MYO5B: variants seen among roughly 807,000 people sequenced by gnomAD.
MYO5B encodes unconventional myosin-Vb.
In MYO5B, 143 loss-of-function variants were observed where a neutral mutation model predicts 229.3. The ratio of observed to expected loss-of-function variants is 0.62; its 90% CI spans 0.54 to 0.72. The LOEUF (loss-of-function observed/expected upper bound fraction) is 0.72. Among genes scored for constraint, MYO5B ranks in the 30% least tolerant of loss-of-function variants. The pLI, the probability that MYO5B is intolerant of heterozygous loss-of-function variation, is 0.00. For missense variants in MYO5B, 2,321 were observed against 2,331.0 expected, an observed-to-expected ratio of 1.00 and a Z score of 0.09; for synonymous variants, 918 against 885.2, an observed-to-expected ratio of 1.04 and a Z score of -0.66.
In MYO5B at chr18:49,826,072, C is replaced by A; in HGVS notation, c.*399G>T. The A allele has an allele frequency of 4.1e-6, 1 of 240,968 alleles. No individual in the cohort carries two copies. 14.9% of individuals were successfully genotyped at this position (240,968 alleles called of 1,614,324 possible). A position where few individuals can be genotyped will look rare whatever the true frequency, so the allele number is the denominator to read the frequency against. On this transcript the variant is annotated 3_prime_UTR_variant, in exon 40 of 40. Coordinates refer to ENST00000285039, the MANE Select transcript of MYO5B (RefSeq NM_001080467.3). ...ATTAGTACCATTATTTGTTAAAGCC[C>A]TTTGAAGGCAATTTATGTGACTTAT...
At chr18:50,183,306 CATATATATATATATATAT>C (rs71169486) in intron 1 of MYO5B, among the ~76,000 whole-genome samples, 6 of 110,036 alleles carry the variant, frequency 5.5e-5, no homozygotes, top group South Asian at 3.7e-4. Flanking sequence ...TCAATTTTAT[CATATATATATATATATAT>C]ATATATATAT....
intron 22 of MYO5B, among the ~76,000 whole-genome samples, chr18:49,892,557 G>T (rs142495352): frequency 6.6e-6 from 1 of 152,112 alleles, no homozygotes. Flanking sequence ...CATCAATCTC[G>T]CTCAAAGCAG....
At chr18:49,846,347 A>ACTGATG (rs1276094979) in intron 33 of MYO5B, among the ~76,000 whole-genome samples, 1 of 152,142 alleles carries the variant, frequency 6.6e-6, no homozygotes, top group Non-Finnish European at 1.5e-5. Context: ...CAGGGGTGAT[A>ACTGATG]CTGATGCTGA....
intron 1 of MYO5B, among the ~76,000 whole-genome samples, chr18:50,124,426 G>A (rs939351193): frequency 6.6e-6 from 1 of 152,142 alleles, no homozygotes; most frequent in Non-Finnish European, 1.5e-5. Flanking sequence ...AACTCATGGG[G>A]TAGCGGCATT....
At chr18:50,066,364 C>T (rs1325543010) in intron 1 of MYO5B, among the ~76,000 whole-genome samples, 1 of 152,150 alleles carries the variant, frequency 6.6e-6, no homozygotes, top group Non-Finnish European at 1.5e-5. Flanking sequence ...TTGTATCACA[C>T]CCAATTGCTA....
chr18:49,951,487 A>T (rs909929925), intron 14 of MYO5B, among the ~76,000 whole-genome samples: 1 of 152,170 alleles, frequency 6.6e-6, no homozygotes, highest in Admixed American at 6.5e-5. Context: ...CAAATATTCA[A>T]TAAAGCTGAT....
At chr18:49,980,614 T>C (rs1391989331) in intron 8 of MYO5B, 61 bp from the exon 9 acceptor site, 3 of 1,274,340 alleles carry the variant, frequency 2.4e-6, no homozygotes, top group African/African-American at 1.5e-5. Flanking sequence ...AAGGACATTT[T>C]ACCCCTTTTA....
chr18:50,137,319 T>A (rs1261798946), intron 1 of MYO5B, among the ~76,000 whole-genome samples: 1 of 152,200 alleles, frequency 6.6e-6, no homozygotes, highest in Non-Finnish European at 1.5e-5. Flanking sequence ...GCCAGCACTG[T>A]GTAAGGCCCC....
At chr18:49,888,090 T>C (rs1329346466) in intron 22 of MYO5B, among the ~76,000 whole-genome samples, 3 of 152,150 alleles carry the variant, frequency 2.0e-5, no homozygotes, top group African/African-American at 7.2e-5. Context: ...ATAGTAATGA[T>C]ATCAATAAGG....
In MYO5B at chr18:50,015,202, T is replaced by C. The variant is rs149374243; in HGVS notation, c.456-13791A>G. On this transcript the variant is annotated intron_variant, in intron 4 of 39. Transcript: ENST00000285039. Reference sequence around the variant, plus strand: ...TTTTCTCTGGGAGGACAATTTTGGGTACAAACAAGTTCTTAACTATCTTGT... The same window carrying C: ...TTTTCTCTGGGAGGACAATTTTGGGCACAAACAAGTTCTTAACTATCTTGT... 3.3e-5 allele frequency among the ~76,000 whole-genome samples: 5 copies of C among 152,314 alleles called. No homozygotes were observed. The East Asian group carries it at 9.6e-4, about 29-fold the overall frequency.
chr18:49,977,418 C>T (rs566178572), intron 9 of MYO5B, among the ~76,000 whole-genome samples: 14 of 152,154 alleles, frequency 9.2e-5, no homozygotes, highest in East Asian at 1.9e-4. Context: ...AGGCACACTG[C>T]GTATGGAAAG....
rs772778406 is a variant in MYO5B, at chr18:49,953,333, A to C, written c.1679T>G (p.Leu560Arg). ...GTTTTTCTCCAGAAAACCATCAGAG[A>C]GGTACTCCACCTGGGGCCACAGCAA... ...IVHFADKVEY[L>R]SDGFLEKNRD... The change falls in exon 14 of 40, where the codon CTC (leucine) becomes CGC (arginine). Residue 560 changes from leucine (L) to arginine (R), a missense_variant. By Grantham distance (102) the Leu-to-Arg change is moderately radical (BLOSUM62 -2). This residue lies in a region of MYO5B where 2,113 missense variants were observed against 2,044.7 expected (regional missense o/e 1.03). Coordinates refer to ENST00000285039, the MANE Select transcript of MYO5B (RefSeq NM_001080467.3). The C allele has an allele frequency of 7.5e-5, 121 of 1,614,014 alleles. No homozygotes were observed. The highest frequency in any genetic ancestry group is 9.7e-5 in the Non-Finnish European group (115 of 1,180,010).
chr18:50,109,612 G>A (rs1452576273), intron 1 of MYO5B, among the ~76,000 whole-genome samples: 4 of 151,922 alleles, frequency 2.6e-5, no homozygotes, highest in African/African-American at 9.7e-5. Flanking sequence ...ATTTTTAGTA[G>A]AGACAGGGTC....
At chr18:50,008,533 G>T (rs1270514533) in intron 4 of MYO5B, among the ~76,000 whole-genome samples, 2 of 152,144 alleles carry the variant, frequency 1.3e-5, no homozygotes, top group Admixed American at 6.5e-5. Flanking sequence ...CACAGGAAGG[G>T]GACTGACTTG....
intron 1 of MYO5B, among the ~76,000 whole-genome samples, chr18:50,087,956 A>C (rs1263359898): frequency 1.3e-5 from 2 of 152,214 alleles, no homozygotes. Context: ...GGTACCACAG[A>C]AACTCTGAGA....
rs1382564318 is a variant in MYO5B, at chr18:49,936,283, T to G, written c.1972A>C (p.Ile658Leu). 6.2e-7 allele frequency: 1 copy of G among 1,603,716 alleles called. No individual in the cohort carries two copies. The highest frequency in any genetic ancestry group is 2.2e-5 in the East Asian group (1 of 44,670). ...GGGAGCTTCTCATCGTTGGGCTTGATGCAGCGGACATAGTGAGGTGTCGTG... is the reference window on the plus strand; with the variant it reads ...GGGAGCTTCTCATCGTTGGGCTTGAGGCAGCGGACATAGTGAGGTGTCGTG... ...NATTPHYVRCIKPNDEKLPFH... is the reference protein window; with the variant it reads ...NATTPHYVRCLKPNDEKLPFH... The change falls in exon 16 of 40, where the codon ATC (isoleucine) becomes CTC (leucine). Residue 658 changes from isoleucine (I) to leucine (L), a missense_variant. Ile to Leu is a conservative substitution (Grantham distance 5, BLOSUM62 2). Coordinates refer to ENST00000285039, the MANE Select transcript of MYO5B (RefSeq NM_001080467.3).
chr18:50,036,446 G>T (rs1020076662), intron 4 of MYO5B, among the ~76,000 whole-genome samples: 4 of 152,174 alleles, frequency 2.6e-5, no homozygotes, highest in South Asian at 2.1e-4. Flanking sequence ...AAAGAGTCCT[G>T]GTTTCTTCAA....
At chr18:49,957,367 C>T (rs1476698538) in intron 12 of MYO5B, among the ~76,000 whole-genome samples, 4 of 152,052 alleles carry the variant, frequency 2.6e-5, no homozygotes, top group Non-Finnish European at 5.9e-5. Context: ...GCCAACCAGG[C>T]GCAATGGCTC....
chr18:50,039,230 A>G (rs1424970815), intron 3 of MYO5B, among the ~76,000 whole-genome samples: 1 of 152,228 alleles, frequency 6.6e-6, no homozygotes, highest in Non-Finnish European at 1.5e-5. Flanking sequence ...AACGGTTTAT[A>G]GGGTTCTATT....
Sources: gnomAD v4.1 joint callset for allele counts (sites outside exome capture counted in the v4.1 genomes callset) on GRCh38, gnomAD v4.1.1 for gene constraint, gnomAD v4.1.1 regional missense constraint, MANE v1.5 for transcripts, NCBI Gene and HGNC (gene_info 2026-07-23, HGNC 2026-07-21) for gene names.